Variants in VPS54 observed in about 807,000 individuals in gnomAD.
VPS54 encodes vacuolar protein sorting-associated protein 54.
In VPS54, 45 loss-of-function variants were observed where a neutral mutation model predicts 121.5. The observed-to-expected ratio is 0.37, with a 90% confidence interval of 0.29 to 0.47. VPS54 has a LOEUF of 0.47. Ranked by LOEUF, VPS54 falls within the 20% of genes least tolerant of loss-of-function variation. The pLI is 0.99. For missense variants in VPS54, 1,090 were observed against 1,131.4 expected (o/e 0.96, Z 0.52); for synonymous variants, 371 against 385.8 (o/e 0.96, Z 0.45).
chr2:63,894,056 C>G (rs530027560), intron 22 of VPS54, among the ~76,000 whole-genome samples: 100 of 152,258 alleles, frequency 6.6e-4, no homozygotes, highest in African/African-American at 2.3e-3. Context: ...ATGAAAACAC[C>G]TGAATAACCA....
intron 20 of VPS54, among the ~76,000 whole-genome samples, chr2:63,907,385 G>A (rs1184792214): frequency 6.6e-6 from 1 of 151,918 alleles, no homozygotes; most frequent in Non-Finnish European, 1.5e-5. Flanking sequence ...GGGCGTGGTG[G>A]TGCATGCCCG....
chr2:63,952,383 T>G (rs911208108), intron 7 of VPS54, among the ~76,000 whole-genome samples: 1 of 152,208 alleles, frequency 6.6e-6, no homozygotes, highest in African/African-American at 2.4e-5. Context: ...AGCTCTATTT[T>G]GAGGGGCAGT....
intron 1 of VPS54, among the ~76,000 whole-genome samples, chr2:63,997,271 G>C (rs188520537): frequency 6.6e-6 from 1 of 152,126 alleles, no homozygotes; most frequent in Non-Finnish European, 1.5e-5. Context: ...GTTTGAGTAG[G>C]ATTGGTACTA....
intron 1 of VPS54, among the ~76,000 whole-genome samples, chr2:63,990,169 G>A (rs1677248476): frequency 6.6e-6 from 1 of 152,070 alleles, no homozygotes; most frequent in Admixed American, 6.5e-5. Flanking sequence ...TCTCCCGCAT[G>A]GACTTCGTTA....
chr2:63,900,297 AAT>A (rs1249133582), intron 20 of VPS54, among the ~76,000 whole-genome samples: 1 of 152,016 alleles, frequency 6.6e-6, no homozygotes, highest in African/African-American at 2.4e-5. Context: ...TGGCAGAATA[AAT>A]ATGTTTTTTA....
chr2:63,901,898 C>T (rs1672693638), intron 20 of VPS54, among the ~76,000 whole-genome samples: 1 of 152,130 alleles, frequency 6.6e-6, no homozygotes, highest in Non-Finnish European at 1.5e-5. Flanking sequence ...GCCTGTAATC[C>T]TAGCTACTTG....
rs1677504399 is a variant in VPS54 at position 63,994,848 on chromosome 2, T to TTAG, written c.-20-10832_-20-10830dup. Among the ~76,000 whole-genome samples, 3 of 152,322 alleles carry TTAG rather than the reference T, an allele frequency of 2.0e-5. No homozygotes were observed. In the South Asian group the frequency reaches 6.2e-4, roughly 32 times the overall value. ...AATGTTTATAAATGACTCATATGGT[T>TTAG]TAGTAATAGACTGGGCACCAAAGGG... On this transcript the variant is annotated intron_variant, in intron 1 of 22. Coordinates refer to ENST00000272322, the MANE Select transcript of VPS54 (RefSeq NM_016516.3).
intron 1 of VPS54, among the ~76,000 whole-genome samples, chr2:64,009,642 C>A (rs1678334895): frequency 6.6e-6 from 1 of 151,912 alleles, no homozygotes; most frequent in African/African-American, 2.4e-5. Flanking sequence ...TAATTTACTG[C>A]ATTTTTCTTA....
At chr2:63,913,367 C>T (rs1162629323) in intron 17 of VPS54, 57 bp from the exon 18 acceptor site, 26 of 1,294,084 alleles carry the variant, frequency 2.0e-5, no homozygotes, top group Non-Finnish European at 2.4e-5. Context: ...TCTTTATATC[C>T]TGGCAATGTG....
chr2:64,013,575 T>C (rs1479330603), intron 1 of VPS54, among the ~76,000 whole-genome samples: 1 of 146,692 alleles, frequency 6.8e-6, no homozygotes, highest in Non-Finnish European at 1.5e-5. Flanking sequence ...TATATCAGCA[T>C]TTATATATAA....
intron 7 of VPS54, 123 bp downstream of exon 7, chr2:63,961,935 T>G: frequency 9.5e-7 from 1 of 1,050,778 alleles, no homozygotes; most frequent in Non-Finnish European, 1.3e-6. Flanking sequence ...AAACAAATGA[T>G]CAATCTGGAA....
At chr2:63,942,589 A>T in intron 10 of VPS54, 28 bp from the exon 11 acceptor site, 1 of 1,528,014 alleles carries the variant, frequency 6.5e-7, no homozygotes, top group Non-Finnish European at 8.9e-7. Context: ...AAACAAAAAT[A>T]ATGATTGTCT....
At chr2:63,993,609 C>T (rs555221560) in intron 1 of VPS54, among the ~76,000 whole-genome samples, 5 of 152,126 alleles carry the variant, frequency 3.3e-5, no homozygotes, top group African/African-American at 1.2e-4. Context: ...GGATTTGATC[C>T]GAATTTAATT....
At chr2:63,935,112 A>C (rs1674392367) in intron 11 of VPS54, among the ~76,000 whole-genome samples, 1 of 152,152 alleles carries the variant, frequency 6.6e-6, no homozygotes, top group African/African-American at 2.4e-5. Flanking sequence ...TAGAAGAGAG[A>C]ATTGCAAAGA....
chr2:64,001,855 T>C (rs1346746213), intron 1 of VPS54, among the ~76,000 whole-genome samples: 2 of 152,058 alleles, frequency 1.3e-5, no homozygotes, highest in Non-Finnish European at 2.9e-5. Flanking sequence ...AGCACTCCCT[T>C]AGGTGTTCCA....
At chr2:63,937,140 G>A (rs1009762553) in intron 11 of VPS54, among the ~76,000 whole-genome samples, 1 of 151,984 alleles carries the variant, frequency 6.6e-6, no homozygotes, top group African/African-American at 2.4e-5. Flanking sequence ...CAAAAAAATA[G>A]ACAAATTGGA....
At chr2:63,960,282 A>G (rs956852990) in intron 7 of VPS54, among the ~76,000 whole-genome samples, 24 of 152,198 alleles carry the variant, frequency 1.6e-4, no homozygotes, top group African/African-American at 5.8e-4. Context: ...TAAATGAAGA[A>G]TATTTTATAC....
rs926505332 is a variant in VPS54 at position 63,987,246 on chromosome 2, G to A, written c.-20-3227C>T. On this transcript the variant is annotated intron_variant, in intron 1 of 22. Coordinates refer to ENST00000272322, the MANE Select transcript of VPS54 (RefSeq NM_016516.3). ...CATCCATTTTATTTTTGTATATGGC[G>A]AAATAGGGTCCAGTTTCATTGTTCT... 9.2e-5 allele frequency among the ~76,000 whole-genome samples: 14 copies of A among 152,200 alleles called. No homozygotes were observed. The East Asian group carries it at 2.3e-3, about 25-fold the overall frequency.
At chr2:63,894,719 T>C (rs186776493) in intron 22 of VPS54, among the ~76,000 whole-genome samples, 1 of 148,894 alleles carries the variant, frequency 6.7e-6, no homozygotes, top group African/African-American at 2.5e-5. Flanking sequence ...AAAAAAAGGT[T>C]GTTTGATGGA....
Sources: allele counts gnomAD v4.1 joint callset (sites outside exome capture counted in the v4.1 genomes callset), GRCh38; gene constraint gnomAD v4.1.1; transcripts MANE v1.5; gene names NCBI Gene and HGNC (gene_info 2026-07-23, HGNC 2026-07-21).